The following LDLRAD3 variants were observed in gnomAD, a reference collection of about 807,000 sequenced individuals.
The protein encoded by LDLRAD3 is low-density lipoprotein receptor class A domain-containing protein 3.
A neutral mutation model predicts 29.4 loss-of-function variants in LDLRAD3; 20 were observed. That is an observed-to-expected ratio of 0.68 (90% confidence interval 0.48 to 0.99). The LOEUF (loss-of-function observed/expected upper bound fraction) is 0.99. Ranked by LOEUF, LDLRAD3 falls within the 50% of genes least tolerant of loss-of-function variation. The probability of loss-of-function intolerance (pLI) is 0.00; values close to 1 mark genes in which losing one functional copy is unlikely to be tolerated. For synonymous variants in LDLRAD3, 157 were observed against 192.7 expected (o/e 0.81, Z 1.53); for missense variants, 420 against 454.3 (o/e 0.92, Z 0.69).
intron 1 of LDLRAD3, among the ~76,000 whole-genome samples, chr11:35,977,700 A>G (rs1311066969): frequency 1.3e-5 from 2 of 152,098 alleles, no homozygotes; most frequent in East Asian, 3.9e-4. Flanking sequence ...ATCACTCACA[A>G]TTCTCTAGGC....
intron 1 of LDLRAD3, among the ~76,000 whole-genome samples, chr11:36,007,807 A>C (rs1215231252): frequency 1.3e-5 from 2 of 152,198 alleles, no homozygotes; most frequent in African/African-American, 2.4e-5. Flanking sequence ...CTGAGGGGAA[A>C]CTGGCAGGAG....
chr11:36,205,624 A>C (rs1315356670), intron 4 of LDLRAD3, among the ~76,000 whole-genome samples: 1 of 152,222 alleles, frequency 6.6e-6, no homozygotes, highest in African/African-American at 2.4e-5. Flanking sequence ...GCCATCAAGC[A>C]AGATGCCTCA....
chr11:36,034,483 C>T (rs1852279263), intron 1 of LDLRAD3, among the ~76,000 whole-genome samples: 3 of 152,110 alleles, frequency 2.0e-5, no homozygotes. Context: ...GGGTAGAGCC[C>T]CTCATTGTAG....
Position 36,032,423 on chromosome 11 carries a change from C to T in LDLRAD3, c.47-3680C>T, listed in dbSNP as rs115364890. Among the ~76,000 whole-genome samples the T allele has an allele frequency of 1.0e-3, 152 of 152,182 alleles. 1 individual carries two copies. The highest frequency in any genetic ancestry group is 3.4e-3 in the African/African-American group (143 of 41,516). On this transcript the variant is annotated intron_variant, in intron 1 of 5. Coordinates refer to ENST00000315571, the MANE Select transcript of LDLRAD3 (RefSeq NM_174902.4). ...GAGTTTTAGATTTATTCTGAGGACA[C>T]GGAGAACCCATCAGTGCATTTTAAA...
At chr11:36,048,343 G>A (rs922690548) in intron 2 of LDLRAD3, among the ~76,000 whole-genome samples, 1 of 152,152 alleles carries the variant, frequency 6.6e-6, no homozygotes. Context: ...AGGATGGGGA[G>A]CCCCACTCCA....
At chr11:36,200,922 G>C (rs1855118005) in intron 4 of LDLRAD3, among the ~76,000 whole-genome samples, 1 of 152,088 alleles carries the variant, frequency 6.6e-6, no homozygotes, top group African/African-American at 2.4e-5. Context: ...CTCCTTCCTG[G>C]TCCCACGCAG....
At chr11:36,205,245 C>G (rs1392893805) in intron 4 of LDLRAD3, among the ~76,000 whole-genome samples, 1 of 152,136 alleles carries the variant, frequency 6.6e-6, no homozygotes, top group Non-Finnish European at 1.5e-5. Flanking sequence ...GAGCTTACCC[C>G]ACATTTGACT....
chr11:36,206,121 G>C lies in LDLRAD3; in HGVS notation c.455-20964G>C, dbSNP rs183402462. Among the ~76,000 whole-genome samples, 127 of 152,302 alleles carry C rather than the reference G, an allele frequency of 8.3e-4. 1 individual carries two copies. Among genetic ancestry groups the C allele is most frequent in the African/African-American group, 3.0e-3 (126 of 41,580 alleles). On this transcript the variant is annotated intron_variant, in intron 4 of 5. Coordinates refer to ENST00000315571, the MANE Select transcript of LDLRAD3 (RefSeq NM_174902.4). ...TTGGAGAGGAAAATCATGAAGAGTC[G>C]AGAAAATTACATCCTTGTTAGAGAA...
chr11:36,060,051 G>A (rs1852674423), intron 2 of LDLRAD3, among the ~76,000 whole-genome samples: 1 of 152,190 alleles, frequency 6.6e-6, no homozygotes, highest in African/African-American at 2.4e-5. Context: ...AGGAAATGGA[G>A]GCATCAGAAG....
At chr11:36,123,920 T>C (rs1853797608) in intron 4 of LDLRAD3, among the ~76,000 whole-genome samples, 1 of 152,212 alleles carries the variant, frequency 6.6e-6, no homozygotes, top group African/African-American at 2.4e-5. Flanking sequence ...AAATAAAGCT[T>C]AACTCAAAAT....
At chr11:36,144,322 C>T (rs1340683702) in intron 4 of LDLRAD3, among the ~76,000 whole-genome samples, 1 of 150,238 alleles carries the variant, frequency 6.7e-6, no homozygotes, top group Non-Finnish European at 1.5e-5. Flanking sequence ...CCCAAAGTGC[C>T]GAGATTGCAG....
chr11:36,085,321 A>G (rs1417245464), intron 3 of LDLRAD3, among the ~76,000 whole-genome samples: 1 of 148,146 alleles, frequency 6.8e-6, no homozygotes, highest in Non-Finnish European at 1.5e-5. Context: ...TAGATTATAT[A>G]TCATTTTTCT....
At chr11:36,207,059 C>T (rs1340654407) in intron 4 of LDLRAD3, among the ~76,000 whole-genome samples, 1 of 152,100 alleles carries the variant, frequency 6.6e-6, no homozygotes, top group Non-Finnish European at 1.5e-5. Context: ...GTTTCTCTGG[C>T]TTAAGATCTC....
intron 4 of LDLRAD3, among the ~76,000 whole-genome samples, chr11:36,109,595 C>T (rs1033495758): frequency 1.3e-5 from 2 of 152,134 alleles, no homozygotes; most frequent in African/African-American, 4.8e-5. Flanking sequence ...AGAGCTTATA[C>T]TTTTGGAATA....
intron 4 of LDLRAD3, among the ~76,000 whole-genome samples, chr11:36,158,406 A>G (rs1439082178): frequency 1.3e-5 from 2 of 152,220 alleles, no homozygotes; most frequent in South Asian, 2.1e-4. Flanking sequence ...GTCCACCTTC[A>G]GCTCTTTATC....
At chr11:36,035,834 A>C (rs1486836988) in intron 1 of LDLRAD3, among the ~76,000 whole-genome samples, 1 of 152,226 alleles carries the variant, frequency 6.6e-6, no homozygotes, top group African/African-American at 2.4e-5. Flanking sequence ...TCTTTGATGG[A>C]GAAAGAAAAA....
intron 1 of LDLRAD3, among the ~76,000 whole-genome samples, chr11:35,952,518 T>G (rs1851149384): frequency 6.6e-6 from 1 of 152,214 alleles, no homozygotes; most frequent in Non-Finnish European, 1.5e-5. Flanking sequence ...TGAAATTGGC[T>G]TTTGCAAAGA....
chr11:36,129,947 A>G (rs1288910512), intron 4 of LDLRAD3, among the ~76,000 whole-genome samples: 2 of 152,190 alleles, frequency 1.3e-5, no homozygotes, highest in Non-Finnish European at 2.9e-5. Flanking sequence ...CCTCTGTAAG[A>G]TAAAAGCTCC....
intron 1 of LDLRAD3, among the ~76,000 whole-genome samples, chr11:35,969,660 G>A (rs533898703): frequency 2.0e-5 from 3 of 152,290 alleles, no homozygotes; most frequent in African/African-American, 4.8e-5. Flanking sequence ...CATAGGCCCC[G>A]TGTTGCCTTG....
Sources: allele counts gnomAD v4.1 joint callset (sites outside exome capture counted in the v4.1 genomes callset), GRCh38; gene constraint gnomAD v4.1.1; transcripts MANE v1.5; gene names NCBI Gene and HGNC (gene_info 2026-07-23, HGNC 2026-07-21).